The following KCTD1 variants were observed in gnomAD, a reference collection of about 807,000 sequenced individuals.
The protein encoded by KCTD1 is BTB/POZ domain-containing protein KCTD1.
Under a neutral mutation model 66.0 loss-of-function variants are expected in KCTD1, and 24 were observed. The ratio of observed to expected loss-of-function variants is 0.36; its 90% CI spans 0.26 to 0.51. The LOEUF (loss-of-function observed/expected upper bound fraction) is 0.51. Among genes scored for constraint, KCTD1 ranks in the 20% least tolerant of loss-of-function variants. The pLI is 0.95. For synonymous variants in KCTD1, 511 were observed against 517.2 expected (o/e 0.99, Z 0.16); for missense variants, 943 against 1,205.2 (o/e 0.78, Z 3.22).
At chr18:26,613,011 T>G (rs1598966704) in intron 1 of KCTD1, among the ~76,000 whole-genome samples, 1 of 152,188 alleles carries the variant, frequency 6.6e-6, no homozygotes, top group East Asian at 1.9e-4. Context: ...TGTTTCATAT[T>G]CTGGGGACTA....
chr18:26,536,401 G>C (rs945253186), intron 1 of KCTD1, among the ~76,000 whole-genome samples: 2 of 152,210 alleles, frequency 1.3e-5, no homozygotes, highest in Non-Finnish European at 2.9e-5. Flanking sequence ...AAGGCTTACT[G>C]GAGAAGCCTG....
At chr18:26,648,035 G>A (rs773713698) in intron 1 of KCTD1, among the ~76,000 whole-genome samples, 14 of 151,884 alleles carry the variant, frequency 9.2e-5, no homozygotes, top group Non-Finnish European at 1.9e-4. Context: ...TAGTAGAGAC[G>A]GGGTTTCACC....
At chr18:26,549,013 C>T (rs1371135801), upstream of KCTD1, 50 of 984,904 alleles carry the variant, frequency 5.1e-5, no homozygotes, top group Non-Finnish European at 5.9e-5. Context: ...CCCCTCATTG[C>T]CCCCCGGAGC....
intron 2 of KCTD1, among the ~76,000 whole-genome samples, chr18:26,477,299 T>C (rs1051011202): frequency 5.9e-5 from 9 of 152,212 alleles, no homozygotes; most frequent in Admixed American, 1.3e-4. Flanking sequence ...CCCCAAAATA[T>C]GACCTGTTCC....
chr18:26,575,996 A>T (rs890437075), intron 1 of KCTD1, among the ~76,000 whole-genome samples: 17 of 152,182 alleles, frequency 1.1e-4, no homozygotes, highest in Non-Finnish European at 1.8e-4. Context: ...AAGTAAATAC[A>T]TATATTCACA....
At chr18:26,513,083 AG>A (rs1014937162) in intron 1 of KCTD1, among the ~76,000 whole-genome samples, 4 of 147,782 alleles carry the variant, frequency 2.7e-5, no homozygotes, top group Non-Finnish European at 5.9e-5. Context: ...TTATAAATCC[AG>A]GGTGTATTTT....
intron 1 of KCTD1, among the ~76,000 whole-genome samples, chr18:26,532,261 C>CTTTCT (rs1394278500): frequency 0.063 from 1,868 of 29,424 alleles, 137 homozygotes; most frequent in African/African-American, 0.11. Flanking sequence ...TTCTTTCCTT[C>CTTTCT]TTTTTTTTTT....
chr18:26,485,394 G>A (rs766760943), intron 2 of KCTD1, among the ~76,000 whole-genome samples: 23 of 152,214 alleles, frequency 1.5e-4, no homozygotes, highest in Non-Finnish European at 2.2e-4. Flanking sequence ...AGCACTGTGC[G>A]TGGCCTTGGT....
At chr18:26,645,016 A>T (rs1987905380), upstream of KCTD1, among the ~76,000 whole-genome samples, 1 of 152,184 alleles carries the variant, frequency 6.6e-6, no homozygotes, top group Admixed American at 6.5e-5. Flanking sequence ...GGCACTGCAA[A>T]ATAGGGCAGC....
intron 1 of KCTD1, among the ~76,000 whole-genome samples, chr18:26,627,963 G>C (rs1265188812): frequency 6.6e-6 from 1 of 152,158 alleles, no homozygotes; most frequent in Non-Finnish European, 1.5e-5. Context: ...AGCCCCCAGG[G>C]ATCTGCAGGC....
chr18:26,485,602 G>A (rs1426217770), intron 2 of KCTD1, among the ~76,000 whole-genome samples: 2 of 152,182 alleles, frequency 1.3e-5, no homozygotes, highest in Non-Finnish European at 2.9e-5. Context: ...TTGAGGATCA[G>A]ATCATCATAA....
intron 1 of KCTD1, among the ~76,000 whole-genome samples, chr18:26,611,718 G>A (rs1023697654): frequency 1.3e-5 from 2 of 152,144 alleles, no homozygotes; most frequent in Non-Finnish European, 2.9e-5. Flanking sequence ...GGTTTTCATT[G>A]ATTGACTATT....
intron 1 of KCTD1, among the ~76,000 whole-genome samples, chr18:26,585,911 G>A (rs570802362): frequency 1.3e-5 from 2 of 152,278 alleles, no homozygotes; most frequent in East Asian, 3.9e-4. Flanking sequence ...GATTAGCTGG[G>A]CATGGTGGTG....
intron 1 of KCTD1, among the ~76,000 whole-genome samples, chr18:26,625,249 G>A (rs1987473843): frequency 6.6e-6 from 1 of 152,154 alleles, no homozygotes; most frequent in East Asian, 1.9e-4. Context: ...AGGCACGATT[G>A]TGTTTTGAAA....
chr18:26,620,592 C>T (rs73405360), intron 1 of KCTD1, among the ~76,000 whole-genome samples: 3,879 of 151,196 alleles, frequency 0.026, 173 homozygotes, highest in African/African-American at 0.089. Flanking sequence ...TGCAGCACCA[C>T]GCCTGCCTAA....
chr18:26,550,071 C>T (rs1985494610), upstream of KCTD1, among the ~76,000 whole-genome samples: 1 of 152,110 alleles, frequency 6.6e-6, no homozygotes, highest in African/African-American at 2.4e-5. The surrounding 1 kb of genome is among the most constrained non-coding windows in gnomAD (Gnocchi z 5.4). Flanking sequence ...TACCCTGGCG[C>T]GCGGGCCAGC....
At chr18:26,642,690 T>C (rs537237412), upstream of KCTD1, among the ~76,000 whole-genome samples, 1 of 152,310 alleles carries the variant, frequency 6.6e-6, no homozygotes, top group South Asian at 2.1e-4. Context: ...ATTTGGTGTT[T>C]GAGGTCAGTT....
At chr18:26,553,270 GA>G (rs1985620858), upstream of KCTD1, among the ~76,000 whole-genome samples, 1 of 152,172 alleles carries the variant, frequency 6.6e-6, no homozygotes, top group South Asian at 2.1e-4. Context: ...TAATTCTGTT[GA>G]ATTCAACTGA....
intron 2 of KCTD1, among the ~76,000 whole-genome samples, chr18:26,495,517 T>C (rs1982424491): frequency 6.6e-6 from 1 of 152,176 alleles, no homozygotes; most frequent in Non-Finnish European, 1.5e-5. Flanking sequence ...TGGGTGGCCA[T>C]GGGTGTTGAC....
Sources: allele counts gnomAD v4.1 joint callset (sites outside exome capture counted in the v4.1 genomes callset), GRCh38; gene constraint gnomAD v4.1.1; non-coding constraint Gnocchi (gnomAD v3.1); transcripts MANE v1.5; gene names NCBI Gene and HGNC (gene_info 2026-07-23, HGNC 2026-07-21).